Variants in LDLRAD4 observed in about 807,000 individuals in gnomAD.
LDLRAD4 encodes low-density lipoprotein receptor class A domain-containing protein 4.
In LDLRAD4, 5 loss-of-function variants were observed where a neutral mutation model predicts 17.0. The observed-to-expected ratio is 0.29, with a 90% CI of 0.15 to 0.62. The LOEUF (loss-of-function observed/expected upper bound fraction) is 0.62, where lower values mean the gene tolerates loss of function less well. LDLRAD4 is among the 20% of genes least tolerant of loss of function. LDLRAD4 has a pLI of 0.84. For synonymous variants in LDLRAD4, 168 were observed against 171.8 expected, an observed-to-expected ratio of 0.98 and a Z score of 0.17; for missense variants, 340 against 424.7, an observed-to-expected ratio of 0.80 and a Z score of 1.75.
intron 3 of LDLRAD4, among the ~76,000 whole-genome samples, chr18:13,459,739 A>G (rs963960540): frequency 6.6e-6 from 1 of 152,204 alleles, no homozygotes; most frequent in Non-Finnish European, 1.5e-5. Flanking sequence ...GCAATAGGGA[A>G]GAGATACATA....
At chr18:13,458,620 C>G (rs748233443) in intron 3 of LDLRAD4, among the ~76,000 whole-genome samples, 2 of 152,194 alleles carry the variant, frequency 1.3e-5, no homozygotes, top group Non-Finnish European at 2.9e-5. Context: ...TCCCTGGAAC[C>G]TGTGAATATG....
upstream of LDLRAD4, among the ~76,000 whole-genome samples, chr18:13,274,036 G>C (rs1286125462): frequency 1.3e-5 from 2 of 152,200 alleles, no homozygotes; most frequent in East Asian, 3.9e-4. Flanking sequence ...GGTATGGCGT[G>C]TGAGGAGCTC....
chr18:13,409,130 C>G (rs114269363), intron 2 of LDLRAD4, among the ~76,000 whole-genome samples: 1 of 152,162 alleles, frequency 6.6e-6, no homozygotes, highest in Non-Finnish European at 1.5e-5. Flanking sequence ...ACATTACCTC[C>G]GTGACATGGT....
intron 1 of LDLRAD4, among the ~76,000 whole-genome samples, chr18:13,292,462 A>G (rs192995446): frequency 1.4e-3 from 208 of 152,322 alleles, no homozygotes; most frequent in Admixed American, 2.6e-3. Flanking sequence ...ACATTCTCCC[A>G]TCCGTAGGCT....
chr18:13,635,976 C>T (rs1177707452), intron 4 of LDLRAD4, among the ~76,000 whole-genome samples: 1 of 142,676 alleles, frequency 7.0e-6, no homozygotes, highest in African/African-American at 2.9e-5. Context: ...TGTGATTGTG[C>T]CTTCTGTGGA....
At position 13,621,075 on chromosome 18, in the gene LDLRAD4, T is replaced by G; in HGVS notation, c.182-42T>G. 2 of 1,613,746 alleles carry G rather than the reference T, an allele frequency of 1.2e-6. No individual in the cohort carries two copies. The highest frequency in any genetic ancestry group is 1.7e-6 in the Non-Finnish European group (2 of 1,179,818). On this transcript the variant is annotated intron_variant, in intron 3 of 5. Coordinates refer to ENST00000359446, the Ensembl canonical transcript of LDLRAD4. The surrounding 1 kb of genome is among the most constrained non-coding windows in gnomAD (Gnocchi z 5.5). ...CAGTGCCTGGAGAATGGGTGGGGAC[T>G]GGAGGGGCCAGGTGGCTAACCACTC...
rs367725717 is a variant in LDLRAD4 at position 13,346,033 on chromosome 18, C to T, written c.-382-41308C>T. ...TGTTGATCTTTTCAAAAAACCAGCT[C>T]CTGGATTCATTGATTTTTTGAAGGG... On this transcript the variant is annotated intron_variant, in intron 1 of 5. Coordinates refer to ENST00000359446, the Ensembl canonical transcript of LDLRAD4. Among the ~76,000 whole-genome samples, 48 of 152,248 alleles carry T rather than the reference C, an allele frequency of 3.2e-4. No individual in the cohort carries two copies. The East Asian group carries it at 8.7e-3, about 28-fold the overall frequency.
intron 3 of LDLRAD4, among the ~76,000 whole-genome samples, chr18:13,497,897 C>T (rs1201883288): frequency 3.3e-5 from 5 of 152,050 alleles, no homozygotes; most frequent in South Asian, 2.1e-4. Flanking sequence ...ACTGTGGACA[C>T]TGGAGAATCC....
intron 3 of LDLRAD4, among the ~76,000 whole-genome samples, chr18:13,556,497 C>T (rs750158345): frequency 4.3e-4 from 65 of 152,098 alleles, no homozygotes; most frequent in Non-Finnish European, 8.8e-4. Flanking sequence ...TGGCTATGCC[C>T]GAATCCAGAG....
At chr18:13,513,768 G>T (rs2093819577) in intron 3 of LDLRAD4, among the ~76,000 whole-genome samples, 1 of 152,240 alleles carries the variant, frequency 6.6e-6, no homozygotes, top group African/African-American at 2.4e-5. Context: ...CAAGGTAAAA[G>T]TGTATAAGGT....
At chr18:13,299,909 C>G (rs1245314609) in intron 1 of LDLRAD4, among the ~76,000 whole-genome samples, 1 of 152,132 alleles carries the variant, frequency 6.6e-6, no homozygotes, top group Admixed American at 6.5e-5. Flanking sequence ...GTGGTGACGT[C>G]TGCATTGGTG....
chr18:13,350,068 A>G (rs1055200708), intron 1 of LDLRAD4, among the ~76,000 whole-genome samples: 7 of 152,146 alleles, frequency 4.6e-5, no homozygotes, highest in African/African-American at 4.8e-5. Flanking sequence ...TGTCTTTGCT[A>G]TTGTAAATAG....
rs1006200287 is a variant in LDLRAD4 at position 13,304,622 on chromosome 18, G to A, written c.-383+26434G>A. Among the ~76,000 whole-genome samples, 12 of 152,220 alleles carry A rather than the reference G, an allele frequency of 7.9e-5. No homozygotes were observed. The South Asian group carries it at 8.3e-4, about 11-fold the overall frequency. On this transcript the variant is annotated intron_variant, in intron 1 of 5. Coordinates refer to ENST00000359446, the Ensembl canonical transcript of LDLRAD4. ...AGGCAGCCACTGCCCTGTATACACC[G>A]ACACACGCTTCAATCCTTGTCATGG...
intron 3 of LDLRAD4, among the ~76,000 whole-genome samples, chr18:13,466,526 T>C (rs916948745): frequency 6.5e-5 from 9 of 139,168 alleles, no homozygotes; most frequent in African/African-American, 2.4e-4. Context: ...ATTTATAGAA[T>C]GAAAGAAAAA....
chr18:13,267,127 T>C (rs540670855), intron 1 of LDLRAD4, among the ~76,000 whole-genome samples: 1 of 152,372 alleles, frequency 6.6e-6, no homozygotes, highest in African/African-American at 2.4e-5. Flanking sequence ...CAGTGACACC[T>C]ATCTTTGCAA....
At chr18:13,383,956 G>C (rs2085588700) in intron 1 of LDLRAD4, among the ~76,000 whole-genome samples, 2 of 152,170 alleles carry the variant, frequency 1.3e-5, no homozygotes, top group African/African-American at 4.8e-5. Context: ...ATTGCATTGG[G>C]GGAGACTCAG....
chr18:13,490,988 GA>G (rs2093346814), intron 3 of LDLRAD4, among the ~76,000 whole-genome samples: 2 of 152,196 alleles, frequency 1.3e-5, no homozygotes, highest in South Asian at 4.1e-4. Flanking sequence ...ACCTCAGAGT[GA>G]ATCACTGGGC....
chr18:13,295,308 G>A (rs764833845), intron 1 of LDLRAD4, among the ~76,000 whole-genome samples: 1 of 152,212 alleles, frequency 6.6e-6, no homozygotes, highest in Non-Finnish European at 1.5e-5. Context: ...TTGTGGCTGG[G>A]ATGGCCTCAA....
At chr18:13,332,878 G>C (rs2085046) in intron 1 of LDLRAD4, among the ~76,000 whole-genome samples, 1 of 152,194 alleles carries the variant, frequency 6.6e-6, no homozygotes, top group African/African-American at 2.4e-5. Flanking sequence ...ATAAGTGTCC[G>C]TAAGTAGGTT....
Sources: allele counts gnomAD v4.1 joint callset (sites outside exome capture counted in the v4.1 genomes callset), GRCh38; gene constraint gnomAD v4.1.1; non-coding constraint Gnocchi (gnomAD v3.1); transcripts MANE v1.5; gene names NCBI Gene and HGNC (gene_info 2026-07-23, HGNC 2026-07-21).